NRXN1: variants seen among roughly 807,000 people sequenced by gnomAD.
NRXN1 encodes the protein neurexin-1.
In NRXN1, 39 loss-of-function variants were observed where a neutral mutation model predicts 150.9. That is an observed-to-expected ratio of 0.26 (90% confidence interval 0.20 to 0.34). NRXN1 has a LOEUF of 0.34. NRXN1 is among the 10% of genes least tolerant of loss of function. The probability of loss-of-function intolerance (pLI) is 1.00; values close to 1 mark genes in which losing one functional copy is unlikely to be tolerated. For synonymous variants in NRXN1, 924 were observed against 757.0 expected, an observed-to-expected ratio of 1.22 and a Z score of -3.62; for missense variants, 1,815 against 1,949.9, an observed-to-expected ratio of 0.93 and a Z score of 1.30.
At position 50,197,769 on chromosome 2, in the gene NRXN1, C is replaced by G. The variant is rs927120200; in HGVS notation, c.3546+39020G>C. ...CACAATTCTCCTCTGAGATTTTCATCAATAAATAAAGAGACATGCTAATAT... is the reference window on the plus strand; with the variant it reads ...CACAATTCTCCTCTGAGATTTTCATGAATAAATAAAGAGACATGCTAATAT... On this transcript the variant is annotated intron_variant, in intron 18 of 22. Transcript: ENST00000401669. 3.3e-5 allele frequency among the ~76,000 whole-genome samples: 5 copies of G among 152,156 alleles called. No homozygotes were observed. The East Asian group carries it at 9.7e-4, about 29-fold the overall frequency.
At chr2:50,222,057 T>C (rs751050223) in intron 18 of NRXN1, among the ~76,000 whole-genome samples, 4 of 151,948 alleles carry the variant, frequency 2.6e-5, no homozygotes, top group Non-Finnish European at 5.9e-5. Flanking sequence ...AATTAAGAAT[T>C]ATGGAATGTG....
At chr2:50,805,057 T>A (rs1667333428) in intron 5 of NRXN1, among the ~76,000 whole-genome samples, 1 of 152,162 alleles carries the variant, frequency 6.6e-6, no homozygotes. Context: ...GTAGTGCCTA[T>A]CCCAGCACTT....
chr2:50,145,317 A>T (rs1172107471), intron 18 of NRXN1, among the ~76,000 whole-genome samples: 1 of 150,814 alleles, frequency 6.6e-6, no homozygotes, highest in East Asian at 1.9e-4. Flanking sequence ...CACACACAGA[A>T]ATTGTTTTTT....
At chr2:49,922,332 T>C in intron 22 of NRXN1, 81 bp from the exon 23 acceptor site, 3 of 1,348,104 alleles carry the variant, frequency 2.2e-6, no homozygotes, top group East Asian at 5.0e-5. Context: ...ACATTTATTA[T>C]CTAATTCTAA....
chr2:50,547,243 C>A (rs1193596168), intron 9 of NRXN1, among the ~76,000 whole-genome samples: 1 of 152,064 alleles, frequency 6.6e-6, no homozygotes, highest in East Asian at 1.9e-4. Flanking sequence ...TACAAGCCAA[C>A]TTTGACAAGA....
chr2:50,440,709 T>C (rs779793077), intron 17 of NRXN1, among the ~76,000 whole-genome samples: 7 of 152,158 alleles, frequency 4.6e-5, no homozygotes, highest in Non-Finnish European at 8.8e-5. Context: ...TTTAGGATTA[T>C]CACAAACAAT....
intron 8 of NRXN1, among the ~76,000 whole-genome samples, chr2:50,602,149 T>C (rs2103956786): frequency 6.6e-6 from 1 of 152,336 alleles, no homozygotes; most frequent in East Asian, 1.9e-4. Flanking sequence ...TAAGATTTAA[T>C]GGAATCCATA....
At chr2:50,637,027 G>T (rs1353080703) in intron 5 of NRXN1, among the ~76,000 whole-genome samples, 1 of 152,044 alleles carries the variant, frequency 6.6e-6, no homozygotes, top group Non-Finnish European at 1.5e-5. Context: ...CATGGATAGA[G>T]CCCATAATTT....
intron 18 of NRXN1, among the ~76,000 whole-genome samples, chr2:50,184,439 G>C (rs1020615692): frequency 1.3e-5 from 2 of 151,932 alleles, no homozygotes; most frequent in Admixed American, 1.3e-4. Context: ...AATACTTAAA[G>C]AGAGAGTACT....
chr2:49,991,976 C>T (rs1489776918), intron 21 of NRXN1, among the ~76,000 whole-genome samples: 1 of 152,144 alleles, frequency 6.6e-6, no homozygotes, highest in African/African-American at 2.4e-5. Flanking sequence ...GCAAAGGTTA[C>T]ATAATAAAGC....
chr2:50,254,263 C>G (rs1017221331), intron 17 of NRXN1, among the ~76,000 whole-genome samples: 1 of 150,622 alleles, frequency 6.6e-6, no homozygotes, highest in Non-Finnish European at 1.5e-5. Flanking sequence ...TGATGATATC[C>G]CCTTTATCAT....
At chr2:49,943,641 G>T in intron 22 of NRXN1, 63 bp downstream of exon 22, 1 of 1,107,318 alleles carries the variant, frequency 9.0e-7, no homozygotes, top group Non-Finnish European at 1.4e-6. Flanking sequence ...CCCTTCTAAG[G>T]AATATAACAT....
intron 12 of NRXN1, among the ~76,000 whole-genome samples, chr2:50,519,006 T>G (rs192625446): frequency 6.6e-6 from 1 of 152,062 alleles, no homozygotes; most frequent in East Asian, 1.9e-4. Context: ...GAAATCTATT[T>G]CTCAGTATTG....
Position 51,001,496 on chromosome 2 carries a change from T to C in NRXN1, c.772+26006A>G, listed in dbSNP as rs528741506. On this transcript the variant is annotated intron_variant, in intron 2 of 22. Transcript: ENST00000401669. ...ACACATTTATTAAAATTGTAATAAATGAATCACTTAGGCTTTGATCTCCTA... is the reference window on the plus strand; with the variant it reads ...ACACATTTATTAAAATTGTAATAAACGAATCACTTAGGCTTTGATCTCCTA... Among the ~76,000 whole-genome samples the C allele has an allele frequency of 2.0e-5, 3 of 152,136 alleles. No individual in the cohort carries two copies. The South Asian group carries it at 6.2e-4, about 32-fold the overall frequency.
At chr2:49,945,921 T>C (rs1426711142) in intron 21 of NRXN1, among the ~76,000 whole-genome samples, 4 of 152,192 alleles carry the variant, frequency 2.6e-5, no homozygotes, top group Non-Finnish European at 5.9e-5. Context: ...GATTGCTGGG[T>C]CAAATGGTAT....
At chr2:51,002,494 T>C (rs562289807) in intron 2 of NRXN1, among the ~76,000 whole-genome samples, 1 of 152,000 alleles carries the variant, frequency 6.6e-6, no homozygotes, top group Non-Finnish European at 1.5e-5. Flanking sequence ...CATATAATAA[T>C]GAATTTGTTA....
intron 12 of NRXN1, among the ~76,000 whole-genome samples, chr2:50,520,463 GA>G (rs1351391959): frequency 2.7e-5 from 4 of 148,830 alleles, no homozygotes. Flanking sequence ...ATGATGAATA[GA>G]AAAAAAAACT....
chr2:50,055,678 C>T (rs895102808), intron 19 of NRXN1, among the ~76,000 whole-genome samples: 2 of 152,132 alleles, frequency 1.3e-5, no homozygotes, highest in East Asian at 1.9e-4. Flanking sequence ...CATCCAGATA[C>T]GTTATTACAG....
At chr2:50,684,355 T>C (rs1472146120) in intron 5 of NRXN1, among the ~76,000 whole-genome samples, 1 of 151,662 alleles carries the variant, frequency 6.6e-6, no homozygotes, top group Admixed American at 6.6e-5. Flanking sequence ...AATACAAAAA[T>C]AGCCGGGCAT....
Sources: allele counts gnomAD v4.1 joint callset (sites outside exome capture counted in the v4.1 genomes callset), GRCh38; gene constraint gnomAD v4.1.1; transcripts MANE v1.5; gene names NCBI Gene and HGNC (gene_info 2026-07-23, HGNC 2026-07-21).